Variants in NUP160 observed in about 807,000 individuals in gnomAD.
NUP160 encodes nucleoporin 160, also known as nuclear pore complex protein Nup160.
A neutral mutation model predicts 196.9 loss-of-function variants in NUP160; 94 were observed. The observed-to-expected ratio is 0.48, with a 90% CI of 0.40 to 0.57. The LOEUF (loss-of-function observed/expected upper bound fraction) is 0.57, where lower values mean the gene tolerates loss of function less well. Ranked by LOEUF, NUP160 falls within the 20% of genes least tolerant of loss-of-function variation. NUP160 has a pLI of 0.00. For missense variants in NUP160, 1,638 were observed against 1,748.3 expected (o/e 0.94, Z 1.13); for synonymous variants, 605 against 619.7 (o/e 0.98, Z 0.35).
At chr11:47,795,545 A>G (rs529237893) in intron 27 of NUP160, among the ~76,000 whole-genome samples, 1 of 152,344 alleles carries the variant, frequency 6.6e-6, no homozygotes, top group South Asian at 2.1e-4. Flanking sequence ...AACCAAAGAA[A>G]ATTCTAAGTA....
intron 9 of NUP160, among the ~76,000 whole-genome samples, chr11:47,819,904 A>G (rs190793250): frequency 2.0e-4 from 30 of 152,358 alleles, no homozygotes; most frequent in Middle Eastern, 3.4e-3. Flanking sequence ...GGCTGAGGGT[A>G]TATCACAGCT....
chr11:47,807,178 C>A, intron 18 of NUP160, 38 bp from the exon 19 acceptor site: 1 of 1,289,908 alleles, frequency 7.8e-7, no homozygotes, highest in South Asian at 1.2e-5. Context: ...AGTAAATTCT[C>A]CTATGCTAAA....
chr11:47,813,391 A>G (rs748072524), exon 14 of NUP160: 2 of 1,611,844 alleles, frequency 1.2e-6, no homozygotes, highest in South Asian at 2.2e-5. Context: ...ACTAAGGATG[A>G]GGGAATAAGG....
chr11:47,839,460 T>C (rs1240148887), intron 4 of NUP160: 1 of 222,210 alleles, frequency 4.5e-6, no homozygotes, highest in African/African-American at 2.3e-5. Flanking sequence ...TGGGGAGATA[T>C]ATAGAAAGCT....
At chr11:47,808,557 C>G in intron 17 of NUP160, 28 bp from the exon 18 acceptor site, 1 of 1,599,448 alleles carries the variant, frequency 6.3e-7, no homozygotes, top group East Asian at 2.2e-5. Flanking sequence ...GTGGACCAGA[C>G]AAGAAATTAT....
intron 7 of NUP160, among the ~76,000 whole-genome samples, chr11:47,824,168 A>G (rs954269854): frequency 6.6e-6 from 1 of 151,252 alleles, no homozygotes; most frequent in Non-Finnish European, 1.5e-5. Flanking sequence ...TCCCACTAGC[A>G]ATGTACAAGA....
chr11:47,817,342 C>CTTTTT (rs904451058), intron 11 of NUP160, among the ~76,000 whole-genome samples: 2 of 132,434 alleles, frequency 1.5e-5, no homozygotes, highest in African/African-American at 2.8e-5. Context: ...AAGCCAAAAA[C>CTTTTT]TTTTTTTTTT....
chr11:47,840,592 T>C lies in NUP160; in HGVS notation c.315-4A>G. 11 of 1,569,986 alleles carry C rather than the reference T, an allele frequency of 7.0e-6. No homozygotes were observed. The highest frequency in any genetic ancestry group is 9.5e-6 in the Non-Finnish European group (11 of 1,155,552). On this transcript the variant is annotated splice_region_variant and splice_polypyrimidine_tract_variant and intron_variant, in intron 2 of 35. Coordinates refer to ENST00000378460, the Ensembl canonical transcript of NUP160. ...CAATGTATCTCCAGAGGTCTTCCTG[T>C]TGAAAAAGAGACATTTGTTTGAAAA... is the stretch of plus-strand genomic sequence containing the variant.
At chr11:47,826,758 TCA>T (rs1851976526) in intron 7 of NUP160, among the ~76,000 whole-genome samples, 1 of 152,136 alleles carries the variant, frequency 6.6e-6, no homozygotes, top group Non-Finnish European at 1.5e-5. Flanking sequence ...AGTCGGGGTT[TCA>T]CCATGTTGGC....
At chr11:47,806,852 CATAT>C (rs750485693) in intron 19 of NUP160, among the ~76,000 whole-genome samples, 1 of 124,252 alleles carries the variant, frequency 8.0e-6, no homozygotes. Context: ...CACACACACA[CATAT>C]ATATACCATA....
chr11:47,819,426 AT>A lies in NUP160; in HGVS notation c.1309del (p.Met437CysfsTer58). 1 of 1,613,948 alleles carries A rather than the reference AT, an allele frequency of 6.2e-7. No individual in the cohort carries two copies. Among genetic ancestry groups the A allele is most frequent in the Non-Finnish European group, 8.5e-7 (1 of 1,179,850 alleles). On this transcript the variant is annotated frameshift_variant, in exon 10 of 36. Transcript: ENST00000378460. LOFTEE classifies it high-confidence loss of function. ...AATCTCTTCCTCTGGCAGAGGCTGC[AT>A]AAAAACTGGATTCCACTGACCTGCA...
At chr11:47,784,050 A>G (rs968995208) in intron 33 of NUP160, among the ~76,000 whole-genome samples, 1 of 152,070 alleles carries the variant, frequency 6.6e-6, no homozygotes, top group Non-Finnish European at 1.5e-5. Flanking sequence ...AAACAAAACA[A>G]AACAAAAAAA....
At chr11:47,828,115 C>T (rs1852006874) in intron 7 of NUP160, among the ~76,000 whole-genome samples, 1 of 152,158 alleles carries the variant, frequency 6.6e-6, no homozygotes, top group South Asian at 2.1e-4. Flanking sequence ...GCAATCTGCC[C>T]ACCTTGGCCT....
At chr11:47,845,218 G>GCA (rs1171437626) in intron 2 of NUP160, among the ~76,000 whole-genome samples, 1 of 152,074 alleles carries the variant, frequency 6.6e-6, no homozygotes, top group Non-Finnish European at 1.5e-5. Context: ...TCAGCTCACT[G>GCA]CACCCTCCAC....
exon 31 of NUP160, chr11:47,788,283 C>G (rs1485353754): frequency 1.2e-6 from 2 of 1,614,042 alleles, no homozygotes; most frequent in Admixed American, 3.3e-5. Context: ...AGAGAGTGAC[C>G]ATTTCCTCTG....
chr11:47,779,572 TCA>T, intron 35 of NUP160: 1 of 519,600 alleles, frequency 1.9e-6, no homozygotes, highest in Non-Finnish European at 3.8e-6. Context: ...GCACTCTATC[TCA>T]CTGGTAAACA....
intron 7 of NUP160, among the ~76,000 whole-genome samples, chr11:47,824,816 T>C (rs1373598825): frequency 1.5e-5 from 1 of 66,090 alleles, no homozygotes; most frequent in African/African-American, 3.4e-5. Context: ...TTTCTTTTGT[T>C]TTTTTTTTTC....
chr11:47,782,299 AAAAAATATAT>A (rs2097661524), intron 34 of NUP160, among the ~76,000 whole-genome samples: 1 of 45,462 alleles, frequency 2.2e-5, no homozygotes, highest in Admixed American at 2.3e-4. Context: ...TAAAAAAAAA[AAAAAATATAT>A]ATATATATAT....
intron 27 of NUP160, among the ~76,000 whole-genome samples, chr11:47,795,169 T>C (rs983241670): frequency 1.3e-5 from 2 of 152,166 alleles, no homozygotes; most frequent in Non-Finnish European, 2.9e-5. Flanking sequence ...TTCTGAAAAG[T>C]CCATTGTTCT....
Sources: allele counts gnomAD v4.1 joint callset (sites outside exome capture counted in the v4.1 genomes callset), GRCh38; gene constraint gnomAD v4.1.1; transcripts MANE v1.5; gene names NCBI Gene and HGNC (gene_info 2026-07-23, HGNC 2026-07-21).